BSPH1: variants seen among roughly 807,000 people sequenced by gnomAD.
The protein encoded by BSPH1 is binder of sperm 1.
BSPH1 carries 21 observed loss-of-function variants against 22.5 expected under a neutral mutation model. That is an observed-to-expected ratio of 0.93 (90% CI 0.66 to 1.35). The LOEUF (loss-of-function observed/expected upper bound fraction) is 1.35, where lower values mean the gene tolerates loss of function less well. Ranked by LOEUF, BSPH1 falls within the 40% of genes most tolerant of loss-of-function variation. The probability of loss-of-function intolerance (pLI) is 0.00; values close to 1 mark genes in which losing one functional copy is unlikely to be tolerated. For missense variants in BSPH1, 141 were observed against 154.2 expected, an observed-to-expected ratio of 0.91 and a Z score of 0.45; for synonymous variants, 42 against 53.6, an observed-to-expected ratio of 0.78 and a Z score of 0.95.
chr19:47,973,618 T>C (rs1209474784), intron 5 of BSPH1, among the ~76,000 whole-genome samples: 1 of 152,132 alleles, frequency 6.6e-6, no homozygotes, highest in Non-Finnish European at 1.5e-5. Context: ...GCTACAACAG[T>C]TGGTTGTTGA....
At chr19:47,977,635 G>T in intron 3 of BSPH1, 131 bp from the exon 4 acceptor site, 1 of 1,442,270 alleles carries the variant, frequency 6.9e-7, no homozygotes, top group Non-Finnish European at 9.1e-7. Flanking sequence ...ATGTTATTGT[G>T]CTACTCAATA....
At chr19:47,969,077 A>G (rs376837860) in intron 5 of BSPH1, among the ~76,000 whole-genome samples, 1 of 151,836 alleles carries the variant, frequency 6.6e-6, no homozygotes, top group Non-Finnish European at 1.5e-5. Flanking sequence ...GAGTGGTAAC[A>G]GTAAAAGTAG....
chr19:47,980,096 T>C (rs934765556), intron 2 of BSPH1, among the ~76,000 whole-genome samples: 1 of 152,184 alleles, frequency 6.6e-6, no homozygotes, highest in Non-Finnish European at 1.5e-5. Flanking sequence ...TCACTTATGT[T>C]AGAACCTAAA....
Position 47,972,965 on chromosome 19 carries a change from C to T in BSPH1, c.*2+3745G>A, listed in dbSNP as rs369543876. On this transcript the variant is annotated intron_variant, in intron 5 of 5. Coordinates refer to ENST00000344839, the MANE Select transcript of BSPH1 (RefSeq NM_001128326.2). The stretch of plus-strand genomic sequence containing the variant: ...GGGCGCGGTGGCTCACGCCTGTAAT[C>T]CCAGCACTTTGGGAGGCCGAGGCGG... 1.6e-4 allele frequency among the ~76,000 whole-genome samples: 24 copies of T among 151,326 alleles called. No individual in the cohort carries two copies. In the East Asian group the frequency reaches 2.4e-3, roughly 15 times the overall value.
At chr19:47,983,403 G>T (rs1347110712) in intron 1 of BSPH1, among the ~76,000 whole-genome samples, 3 of 152,174 alleles carry the variant, frequency 2.0e-5, no homozygotes, top group Admixed American at 6.5e-5. Flanking sequence ...TTAGGAAATG[G>T]ATTTTGGTTT....
At chr19:47,967,309 G>A (rs893451176), downstream of BSPH1, among the ~76,000 whole-genome samples, 11 of 152,168 alleles carry the variant, frequency 7.2e-5, no homozygotes, top group Admixed American at 5.9e-4. Context: ...CAAAGGATAC[G>A]ATTTCATTCT....
intron 5 of BSPH1, among the ~76,000 whole-genome samples, chr19:47,971,653 G>C (rs1969312257): frequency 6.6e-6 from 1 of 152,134 alleles, no homozygotes; most frequent in South Asian, 2.1e-4. Flanking sequence ...CCTGCATTAG[G>C]AACTTTGACT....
intron 5 of BSPH1, 111 bp downstream of exon 5, chr19:47,976,599 A>G: frequency 1.3e-6 from 1 of 798,858 alleles, no homozygotes; most frequent in Admixed American, 3.3e-5. Context: ...AAAAAAAACA[A>G]AAAAAAACCC....
chr19:47,990,218 C>A (rs940080297), intron 1 of BSPH1, among the ~76,000 whole-genome samples: 4 of 150,842 alleles, frequency 2.7e-5, no homozygotes, highest in Admixed American at 6.6e-5. Context: ...TTCTGCAGAT[C>A]AAAAGTAGAC....
chr19:47,969,803 AATTT>A lies in BSPH1; in HGVS notation c.*3-1598_*3-1595del, dbSNP rs551241820. Among the ~76,000 whole-genome samples, 567 of 148,352 alleles carry A rather than the reference AATTT, an allele frequency of 3.8e-3. 2 individuals are homozygous for A. Among genetic ancestry groups the A allele is most frequent in the African/African-American group, 0.013 (538 of 39,870 alleles). ...TGTGTGTGTGTGAGAGAGACTTCAG[AATTT>A]ATTTGTGTGTGTGTGAGAGAGAGAC... On this transcript the variant is annotated intron_variant, in intron 5 of 5. Transcript: ENST00000344839.
Position 47,980,932 on chromosome 19 carries a change from G to C in BSPH1, c.83C>G (p.Ser28Ter), listed in dbSNP as rs1363251091. The change falls in exon 2 of 6, where the codon TCA (serine) becomes TGA (stop). Residue 28 changes from serine (S) to a stop codon, truncating the protein, a stop_gained. Transcript: ENST00000344839. LOFTEE classifies it high-confidence loss of function. ...TTTGATCAACTCACCCACAGTTGAT[G>C]ATAATTCATCTGAAAAACACAATTT... ...CIFPVILNEL[S>*]STVETITHFP... 2.7e-6 allele frequency: 4 copies of C among 1,454,558 alleles called. No homozygotes were observed. In the African/African-American group the frequency reaches 5.8e-5, roughly 21 times the overall value. The allele number at this position is 1,454,558 out of a possible 1,614,324, so 90.1% of individuals were successfully genotyped here.
intron 3 of BSPH1, among the ~76,000 whole-genome samples, chr19:47,979,316 C>A (rs201131736): frequency 7.0e-6 from 1 of 143,674 alleles, no homozygotes; most frequent in East Asian, 2.0e-4. Flanking sequence ...GGATGTTTTT[C>A]TATATAAATT....
At chr19:47,971,096 G>C (rs1285411476) in intron 5 of BSPH1, among the ~76,000 whole-genome samples, 1 of 152,146 alleles carries the variant, frequency 6.6e-6, no homozygotes, top group African/African-American at 2.4e-5. Context: ...CACAGCCATG[G>C]TGTTGGGATC....
In BSPH1 at chr19:47,977,271, G is replaced by T. The variant is rs568259266; in HGVS notation, c.256+102C>A. 2.0e-5 allele frequency: 16 copies of T among 802,228 alleles called. No individual in the cohort carries two copies. In the South Asian group the frequency reaches 3.0e-4, roughly 15 times the overall value. The allele number at this position is 802,228 out of a possible 1,614,324, so 49.7% of individuals were successfully genotyped here. A position where few individuals can be genotyped will look rare whatever the true frequency, so the allele number is the denominator to read the frequency against. ...CATCCTTTATTTTCACAACTTAATT[G>T]GCTATGGATTCTATTTTCAGAACCC... On this transcript the variant is annotated intron_variant, in intron 4 of 5. Transcript: ENST00000344839.
intron 1 of BSPH1, among the ~76,000 whole-genome samples, chr19:47,987,478 C>CA (rs1394505004): frequency 1.3e-5 from 2 of 151,676 alleles, no homozygotes; most frequent in East Asian, 3.9e-4. Context: ...CTTGACTTCC[C>CA]AGGCTCAAGT....
Position 47,990,654 on chromosome 19 carries a change from C to G in BSPH1, c.73+1355G>C, listed in dbSNP as rs187979191. Among the ~76,000 whole-genome samples, 66 of 151,726 alleles carry G rather than the reference C, an allele frequency of 4.3e-4. 1 individual carries two copies. The East Asian group carries it at 0.012, about 27-fold the overall frequency. On this transcript the variant is annotated intron_variant, in intron 1 of 5. Coordinates refer to ENST00000344839, the MANE Select transcript of BSPH1 (RefSeq NM_001128326.2). ...TAATGCAAAGATGTCCTGAAGAATA[C>G]TTAAAAGAAATATCTGCAAGATCAT...
chr19:47,977,597 T>A, intron 3 of BSPH1, 93 bp from the exon 4 acceptor site: 5 of 1,498,618 alleles, frequency 3.3e-6, no homozygotes, highest in Non-Finnish European at 4.5e-6. Flanking sequence ...CCCTTTGAAA[T>A]CAGAGTCATT....
At chr19:47,977,216 A>G (rs1244277467) in intron 4 of BSPH1, among the ~76,000 whole-genome samples, 157 bp downstream of exon 4, 1 of 152,212 alleles carries the variant, frequency 6.6e-6, no homozygotes, top group African/African-American at 2.4e-5. Flanking sequence ...TCTATGGTGC[A>G]ATGTGATTTT....
intron 5 of BSPH1, among the ~76,000 whole-genome samples, chr19:47,970,122 G>A (rs976847020): frequency 1.3e-5 from 2 of 151,978 alleles, no homozygotes; most frequent in South Asian, 2.1e-4. Flanking sequence ...GCAGTGGCAC[G>A]ATCTTGGCTC....
Sources: gnomAD v4.1 joint callset for allele counts (sites outside exome capture counted in the v4.1 genomes callset) on GRCh38, gnomAD v4.1.1 for gene constraint, MANE v1.5 for transcripts, NCBI Gene and HGNC (gene_info 2026-07-23, HGNC 2026-07-21) for gene names.